AGAP1: variants seen among roughly 807,000 people sequenced by gnomAD.
AGAP1 encodes the protein ArfGAP with GTPase domain, ankyrin repeat and PH domain 1.
AGAP1 carries 29 observed loss-of-function variants against 105.3 expected under a neutral mutation model. The observed-to-expected ratio is 0.28, with a 90% CI of 0.21 to 0.38. AGAP1 has a LOEUF of 0.38. Among genes scored for constraint, AGAP1 ranks in the 10% least tolerant of loss-of-function variants. The pLI is 1.00. For synonymous variants in AGAP1, 509 were observed against 485.9 expected (o/e 1.05, Z -0.63); for missense variants, 998 against 1,165.1 (o/e 0.86, Z 2.09).
rs1333882880 is a variant in AGAP1 at position 235,893,492 on chromosome 2, A to G, written c.1155+10043A>G. 1.4e-5 allele frequency among the ~76,000 whole-genome samples: 2 copies of G among 139,856 alleles called. No individual in the cohort carries two copies. The highest frequency in any genetic ancestry group is 1.4e-4 in the Admixed American group (2 of 14,076). 91.8% of individuals were successfully genotyped at this position (139,856 alleles called of 152,430 possible). Reference sequence around the variant, plus strand: ...ACCATGTCCATCATAAGGGTGAGCCATGTTTGTGGCGTGGGTGTGGCATGT... The same window carrying G: ...ACCATGTCCATCATAAGGGTGAGCCGTGTTTGTGGCGTGGGTGTGGCATGT... On this transcript the variant is annotated intron_variant, in intron 10 of 17. Transcript: ENST00000304032. This position sits in a 1 kb window ranked among gnomAD's most constrained non-coding sequence, Gnocchi z 4.7.
intron 11 of AGAP1, among the ~76,000 whole-genome samples, chr2:235,911,753 C>CA (rs1421771192): frequency 1.3e-5 from 2 of 152,232 alleles, no homozygotes; most frequent in Admixed American, 1.3e-4. Flanking sequence ...AGGGTTGCGA[C>CA]AAGATTGAAA....
chr2:235,563,283 C>T (rs1199020689), intron 1 of AGAP1, among the ~76,000 whole-genome samples: 14 of 152,148 alleles, frequency 9.2e-5, no homozygotes, highest in African/African-American at 1.7e-4. Context: ...CGTCCTGCCC[C>T]CCTTTGCTGT....
At position 235,601,644 on chromosome 2, in the gene AGAP1, C is replaced by G. The variant is rs1289555852; in HGVS notation, c.163+106795C>G. Among the ~76,000 whole-genome samples, 1 of 152,106 alleles carries G rather than the reference C, an allele frequency of 6.6e-6. No homozygotes were observed. The highest frequency in any genetic ancestry group is 1.5e-5 in the Non-Finnish European group (1 of 68,016). On this transcript the variant is annotated intron_variant, in intron 1 of 17. Coordinates refer to ENST00000304032, the MANE Select transcript of AGAP1 (RefSeq NM_001037131.3). This position sits in a 1 kb window ranked among gnomAD's most constrained non-coding sequence, Gnocchi z 4.4. ...GATTCAGTAACCTCCCACTGGGTCC[C>G]TGGGAGCCACAATTCAAGATGAGAT...
chr2:235,542,446 C>T (rs1943477618), intron 1 of AGAP1, among the ~76,000 whole-genome samples: 1 of 152,210 alleles, frequency 6.6e-6, no homozygotes, highest in Admixed American at 6.5e-5. Flanking sequence ...CAAAAGAGCT[C>T]ATCAACTCCC....
intron 6 of AGAP1, chr2:235,773,864 T>C (rs1955649598): frequency 4.5e-6 from 2 of 441,154 alleles, no homozygotes; most frequent in African/African-American, 4.2e-5. Context: ...CTCGAAAATA[T>C]TGCCAACATT....
At chr2:235,785,408 T>C (rs1293742987) in intron 6 of AGAP1, among the ~76,000 whole-genome samples, 1 of 152,220 alleles carries the variant, frequency 6.6e-6, no homozygotes, top group African/African-American at 2.4e-5. Flanking sequence ...AAACCAATTA[T>C]TGCACTTAAC....
At chr2:235,791,900 C>T (rs1956999123) in intron 6 of AGAP1, among the ~76,000 whole-genome samples, 1 of 152,122 alleles carries the variant, frequency 6.6e-6, no homozygotes, top group African/African-American at 2.4e-5. Context: ...GGTGGAGACA[C>T]CAAAGACAGA....
intron 1 of AGAP1, among the ~76,000 whole-genome samples, chr2:235,513,571 C>T (rs1232591992): frequency 2.0e-5 from 3 of 151,850 alleles, no homozygotes; most frequent in African/African-American, 4.8e-5. Context: ...CTGGGCTCCA[C>T]CCCCAGAAGT....
intron 6 of AGAP1, among the ~76,000 whole-genome samples, chr2:235,785,421 G>T (rs1956564089): frequency 6.6e-6 from 1 of 152,110 alleles, no homozygotes; most frequent in Non-Finnish European, 1.5e-5. Context: ...CACTTAACTG[G>T]ATCTGTCTCA....
chr2:235,918,422 T>G (rs2052008343), intron 11 of AGAP1, among the ~76,000 whole-genome samples: 1 of 152,236 alleles, frequency 6.6e-6, no homozygotes, highest in Non-Finnish European at 1.5e-5. Flanking sequence ...TTCTCAGACA[T>G]CAGAAAGTTA....
At chr2:235,785,243 A>G (rs1181278523) in intron 6 of AGAP1, among the ~76,000 whole-genome samples, 4 of 152,250 alleles carry the variant, frequency 2.6e-5, no homozygotes, top group African/African-American at 7.2e-5. Flanking sequence ...GTGAGAAGCT[A>G]TCCGAAGGAG....
At chr2:235,885,816 G>A (rs1364874486) in intron 10 of AGAP1, among the ~76,000 whole-genome samples, 1 of 152,134 alleles carries the variant, frequency 6.6e-6, no homozygotes, top group African/African-American at 2.4e-5. Flanking sequence ...CCTCCCATGC[G>A]TTACTATTCA....
chr2:235,931,066 C>A lies in AGAP1; in HGVS notation c.1483+143C>A. On this transcript the variant is annotated intron_variant, in intron 12 of 17. Coordinates refer to ENST00000304032, the MANE Select transcript of AGAP1 (RefSeq NM_001037131.3). The surrounding 1 kb of genome is among the most constrained non-coding windows in gnomAD (Gnocchi z 5.6). ...GGGCGGCTGCATCAGAGACTCACAT[C>A]TTGCCTTTCATCTGTGGAACGTTTT... The A allele has an allele frequency of 1.1e-6, 1 of 939,028 alleles. No individual in the cohort carries two copies. Among genetic ancestry groups the A allele is most frequent in the Non-Finnish European group, 1.5e-6 (1 of 654,984 alleles). The allele number at this position is 939,028 out of a possible 1,614,324, so 58.2% of individuals were successfully genotyped here. A position where few individuals can be genotyped will look rare whatever the true frequency, so the allele number is the denominator to read the frequency against.
Position 235,930,859 on chromosome 2 carries a change from C to T in AGAP1, c.1419C>T (p.Tyr473=). 2 of 1,614,198 alleles carry T rather than the reference C, an allele frequency of 1.2e-6. No homozygotes were observed. The highest frequency in any genetic ancestry group is 2.2e-5 in the South Asian group (2 of 91,086). The part of the protein sequence containing the change: ...SRPDGMHQRS[Y]SVSSADQWSE... ...CCGACGGCATGCACCAGCGCTCCTA[C>T]TCAGTCTCCAGTGCCGACCAGTGGA... The change falls in exon 12 of 18, where the codon TAC becomes TAT. Residue 473 remains tyrosine, a synonymous_variant. Coordinates refer to ENST00000304032, the MANE Select transcript of AGAP1 (RefSeq NM_001037131.3). The surrounding 1 kb of genome is among the most constrained non-coding windows in gnomAD (Gnocchi z 7.9).
chr2:236,029,238 C>T (rs2057148780), intron 13 of AGAP1, among the ~76,000 whole-genome samples: 1 of 149,846 alleles, frequency 6.7e-6, no homozygotes, highest in Non-Finnish European at 1.5e-5. Context: ...ACCTGTCTTT[C>T]ACAAACCTGC....
intron 1 of AGAP1, among the ~76,000 whole-genome samples, chr2:235,587,224 G>A (rs1368815914): frequency 6.6e-6 from 1 of 152,170 alleles, no homozygotes. Flanking sequence ...ATTCTGGGTG[G>A]AAAAGTCGGA....
chr2:236,065,367 G>A (rs2058318616), intron 16 of AGAP1, among the ~76,000 whole-genome samples: 1 of 152,206 alleles, frequency 6.6e-6, no homozygotes, highest in East Asian at 1.9e-4. Context: ...GCATTCGACT[G>A]GATGCATTTT....
In AGAP1 at chr2:235,959,851, C is replaced by T. The variant is rs1452410759; in HGVS notation, c.1484-8611C>T. On this transcript the variant is annotated intron_variant, in intron 12 of 17. Coordinates refer to ENST00000304032, the MANE Select transcript of AGAP1 (RefSeq NM_001037131.3). This position sits in a 1 kb window ranked among gnomAD's most constrained non-coding sequence, Gnocchi z 7.3. The stretch of plus-strand genomic sequence containing the variant: ...CGCTCCTGCCAAACCTGCTCCCACC[C>T]GCCCCAGCCCAGAGCATGTGGCTTC... Among the ~76,000 whole-genome samples, 2 of 152,166 alleles carry T rather than the reference C, an allele frequency of 1.3e-5. No individual in the cohort carries two copies. Among genetic ancestry groups the T allele is most frequent in the East Asian group, 1.9e-4 (1 of 5,170 alleles).
chr2:235,568,500 G>A (rs1213408199), intron 1 of AGAP1, among the ~76,000 whole-genome samples: 1 of 152,254 alleles, frequency 6.6e-6, no homozygotes, highest in Non-Finnish European at 1.5e-5. Flanking sequence ...CACCTGGCAT[G>A]CATGCGTGGG....
Sources: allele counts gnomAD v4.1 joint callset (sites outside exome capture counted in the v4.1 genomes callset), GRCh38; gene constraint gnomAD v4.1.1; non-coding constraint Gnocchi (gnomAD v3.1); transcripts MANE v1.5; gene names NCBI Gene and HGNC (gene_info 2026-07-23, HGNC 2026-07-21).